Variants in NUMB observed in about 807,000 individuals in gnomAD.
NUMB encodes the protein NUMB endocytic adaptor protein, also known as protein numb homolog.
A neutral mutation model predicts 59.7 loss-of-function variants in NUMB; 29 were observed. The observed-to-expected ratio is 0.49, with a 90% confidence interval of 0.36 to 0.66. The LOEUF (loss-of-function observed/expected upper bound fraction) is 0.66, where lower values mean the gene tolerates loss of function less well. NUMB is among the 30% of genes least tolerant of loss of function. The pLI, the probability that NUMB is intolerant of heterozygous loss-of-function variation, is 0.00. For missense variants in NUMB, 723 were observed against 822.0 expected (o/e 0.88, Z 1.47); for synonymous variants, 288 against 288.2 (o/e 1.00, Z 0.01).
At chr14:73,311,191 G>C (rs974236744) in intron 6 of NUMB, among the ~76,000 whole-genome samples, 2 of 152,110 alleles carry the variant, frequency 1.3e-5, no homozygotes, top group African/African-American at 4.8e-5. Flanking sequence ...GAGTAGCTGG[G>C]ATTACAGGCG....
chr14:73,298,823 A>G (rs912364471), intron 6 of NUMB: 4 of 152,170 alleles, frequency 2.6e-5, no homozygotes, highest in African/African-American at 4.8e-5. Flanking sequence ...CACCACCATA[A>G]ATTTGATGAG....
intron 5 of NUMB, 95 bp downstream of exon 5, chr14:73,323,035 C>T (rs1341311505): frequency 4.5e-6 from 4 of 886,174 alleles, no homozygotes; most frequent in Non-Finnish European, 7.0e-6. Context: ...AACAGAAACA[C>T]AGTTTTTACT....
intron 4 of NUMB, among the ~76,000 whole-genome samples, chr14:73,328,299 T>C (rs1033463890): frequency 1.7e-4 from 25 of 150,588 alleles, no homozygotes; most frequent in African/African-American, 6.1e-4. Context: ...GTCATATAAA[T>C]GGAATCATAC....
intron 3 of NUMB, among the ~76,000 whole-genome samples, chr14:73,365,731 T>C (rs1894315293): frequency 1.3e-5 from 2 of 152,250 alleles, no homozygotes; most frequent in Admixed American, 1.3e-4. Flanking sequence ...CTCCCATTCA[T>C]GGATATTTAT....
In NUMB at chr14:73,357,890, CA is replaced by C. The variant is rs1555374390; in HGVS notation, c.-15-2125del. Among the ~76,000 whole-genome samples the C allele has an allele frequency of 2.4e-3, 337 of 140,632 alleles. 2 individuals carry two copies. The South Asian group carries it at 0.027, about 11-fold the overall frequency. The allele number at this position is 140,632 out of a possible 152,430, so 92.3% of individuals were successfully genotyped here. A position where few individuals can be genotyped will look rare whatever the true frequency, so the allele number is the denominator to read the frequency against. On this transcript the variant is annotated intron_variant, in intron 3 of 12. Transcript: ENST00000555238. ...CTCCAAATTATCCTGAGGCCCCCCC[CA>C]AAAAAAAAAAAACCCACCAAAAAAA...
intron 5 of NUMB, among the ~76,000 whole-genome samples, chr14:73,320,126 C>T (rs190994671): frequency 3.4e-5 from 5 of 145,282 alleles, no homozygotes; most frequent in South Asian, 2.2e-4. Context: ...AGCAAGACTC[C>T]GACTCGGCGG....
At chr14:73,339,439 G>C (rs931225858) in intron 4 of NUMB, among the ~76,000 whole-genome samples, 2 of 152,122 alleles carry the variant, frequency 1.3e-5, no homozygotes, top group African/African-American at 4.8e-5. Flanking sequence ...CATTCCTTCT[G>C]CTTACAACCT....
chr14:73,305,184 C>CT (rs1300234203), intron 6 of NUMB, among the ~76,000 whole-genome samples: 1 of 152,190 alleles, frequency 6.6e-6, no homozygotes, highest in Admixed American at 6.5e-5. Context: ...CTACTCAACT[C>CT]TATCATTGCA....
chr14:73,333,823 T>C (rs1480544323), intron 4 of NUMB, among the ~76,000 whole-genome samples: 1 of 152,172 alleles, frequency 6.6e-6, no homozygotes, highest in Non-Finnish European at 1.5e-5. Flanking sequence ...TTGTTAAGAC[T>C]AGCCTATGCT....
At chr14:73,405,709 C>T (rs1016523008) in intron 2 of NUMB, among the ~76,000 whole-genome samples, 2 of 152,076 alleles carry the variant, frequency 1.3e-5, no homozygotes, top group Admixed American at 1.3e-4. Context: ...AGGAACAAAA[C>T]TTTTGAAGGA....
At chr14:73,411,690 T>A (rs1249555161) in intron 1 of NUMB, among the ~76,000 whole-genome samples, 2 of 152,032 alleles carry the variant, frequency 1.3e-5, no homozygotes, top group Non-Finnish European at 2.9e-5. Context: ...TTAGAAAAAA[T>A]AACGGAATAA....
chr14:73,325,833 GC>G (rs1891632680), intron 4 of NUMB, among the ~76,000 whole-genome samples: 2 of 152,204 alleles, frequency 1.3e-5, no homozygotes, highest in Non-Finnish European at 2.9e-5. Flanking sequence ...TGGTGTGATA[GC>G]AGCAGAGGTA....
intron 4 of NUMB, among the ~76,000 whole-genome samples, chr14:73,341,634 T>A (rs1242553133): frequency 6.6e-6 from 1 of 152,144 alleles, no homozygotes; most frequent in Non-Finnish European, 1.5e-5. Context: ...CAGACCCCTA[T>A]AGCCTCGAAC....
intron 1 of NUMB, among the ~76,000 whole-genome samples, chr14:73,427,904 C>T (rs1302875321): frequency 1.3e-5 from 2 of 152,120 alleles, no homozygotes; most frequent in Non-Finnish European, 2.9e-5. Flanking sequence ...GATAAAGTTA[C>T]AAAAACCTAT....
At chr14:73,401,016 G>A (rs963747403) in intron 2 of NUMB, among the ~76,000 whole-genome samples, 4 of 152,196 alleles carry the variant, frequency 2.6e-5, no homozygotes, top group Non-Finnish European at 5.9e-5. Context: ...TAATCAGCCA[G>A]AAGCACAGGA....
At chr14:73,305,951 A>G (rs1391155829) in intron 6 of NUMB, among the ~76,000 whole-genome samples, 1 of 152,022 alleles carries the variant, frequency 6.6e-6, no homozygotes, top group Non-Finnish European at 1.5e-5. Context: ...TTGCTTTTTA[A>G]ATCAGAAAAG....
At chr14:73,342,280 C>T (rs747209119) in intron 4 of NUMB, among the ~76,000 whole-genome samples, 43 of 152,168 alleles carry the variant, frequency 2.8e-4, no homozygotes, top group Non-Finnish European at 4.6e-4. Flanking sequence ...GCTATGAAGA[C>T]GATGTATCTG....
chr14:73,286,521 G>C (rs1889013488), intron 9 of NUMB: 1 of 153,664 alleles, frequency 6.5e-6, no homozygotes, highest in Non-Finnish European at 1.4e-5. Flanking sequence ...CATTTCTGCT[G>C]TGATGCCATG....
intron 11 of NUMB, among the ~76,000 whole-genome samples, chr14:73,280,618 C>G (rs967975932): frequency 6.6e-6 from 1 of 151,704 alleles, no homozygotes; most frequent in African/African-American, 2.4e-5. Flanking sequence ...GACAAGCACC[C>G]TCCCCTGACC....
Sources: allele counts gnomAD v4.1 joint callset (sites outside exome capture counted in the v4.1 genomes callset), GRCh38; gene constraint gnomAD v4.1.1; transcripts MANE v1.5; gene names NCBI Gene and HGNC (gene_info 2026-07-23, HGNC 2026-07-21).